GFUS: variants seen among roughly 807,000 people sequenced by gnomAD.
The protein encoded by GFUS is GDP-L-fucose synthase, also known as 3-5 epimerase/4-reductase.
In GFUS, 42 loss-of-function variants were observed where a neutral mutation model predicts 41.5. The ratio of observed to expected loss-of-function variants is 1.01; its 90% CI spans 0.79 to 1.31. The LOEUF (loss-of-function observed/expected upper bound fraction) is 1.31, where lower values mean the gene tolerates loss of function less well. GFUS is among the 50% of genes most tolerant of loss of function. GFUS has a pLI of 0.00. For synonymous variants in GFUS, 188 were observed against 173.4 expected, an observed-to-expected ratio of 1.08 and a Z score of -0.66; for missense variants, 437 against 428.7, an observed-to-expected ratio of 1.02 and a Z score of -0.17.
chr8:143,617,725 A>G (rs890353968), upstream of GFUS, among the ~76,000 whole-genome samples: 1 of 151,792 alleles, frequency 6.6e-6, no homozygotes, highest in African/African-American at 2.4e-5. Context: ...CCGGGCCGCA[A>G]CCTCTTTAGC....
Position 143,614,330 on chromosome 8 carries a change from G to A in GFUS, c.588C>T (p.His196=). 1 of 1,613,664 alleles carries A rather than the reference G, an allele frequency of 6.2e-7. No homozygotes were observed. The highest frequency in any genetic ancestry group is 8.5e-7 in the Non-Finnish European group (1 of 1,179,838). Reference sequence around the variant, plus strand: ...GACGGACGCACTCACTCTTGGCCAGGTGCACCTTGTGGATGAGGCCAGGCA... The same window carrying A: ...GACGGACGCACTCACTCTTGGCCAGATGCACCTTGTGGATGAGGCCAGGCA... ...HVLPGLIHKV[H]LAKSSGSALT... Residue 196 remains histidine, a synonymous_variant, in exon 6 of 11, where the codon CAC becomes CAT. Transcript: ENST00000425753.
chr8:143,616,405 G>A, intron 2 of GFUS, 162 bp downstream of exon 2: 1 of 1,259,352 alleles, frequency 7.9e-7, no homozygotes, highest in Non-Finnish European at 1.2e-6. Flanking sequence ...GTTTTTCCAG[G>A]AACACAGCCA....
intron 3 of GFUS, among the ~76,000 whole-genome samples, chr8:143,615,719 T>C (rs1414896685): frequency 6.6e-6 from 1 of 152,074 alleles, no homozygotes; most frequent in Non-Finnish European, 1.5e-5. Context: ...CCAGAGTGTG[T>C]GGTGGGCCCG....
In GFUS at chr8:143,612,786, G is replaced by A. The variant is rs1049876; in HGVS notation, c.*124C>T. 1 of 1,203,600 alleles carries A rather than the reference G, an allele frequency of 8.3e-7. No homozygotes were observed. The highest frequency in any genetic ancestry group is 2.0e-4 in the Middle Eastern group (1 of 4,994). The allele number at this position is 1,203,600 out of a possible 1,614,324, so 74.6% of individuals were successfully genotyped here. ...CACTGGAAAGATGCTTGGGGCTGCA[G>A]AGCGGATGGAATGCAGGCCCAGGTT... On this transcript the variant is annotated 3_prime_UTR_variant, in exon 11 of 11. Coordinates refer to ENST00000425753, the MANE Select transcript of GFUS (RefSeq NM_003313.4).
Position 143,612,709 on chromosome 8 carries a change from C to A in GFUS, c.*201G>T. The A allele has an allele frequency of 1.6e-6, 1 of 640,522 alleles. No individual in the cohort carries two copies. The highest frequency in any genetic ancestry group is 2.7e-5 in the Admixed American group (1 of 36,872). The allele number at this position is 640,522 out of a possible 1,614,324, so 39.7% of individuals were successfully genotyped here. ...GGGGCTGGTGTGGGGAGCAAAGCGC[C>A]GGGCCTGCCCGGGACCCTGGTTTCC... On this transcript the variant is annotated 3_prime_UTR_variant, in exon 11 of 11. Transcript: ENST00000425753.
rs140324538 is a variant in GFUS, at chr8:143,613,566, G to A, written c.768C>T (p.Ala256=). The A allele has an allele frequency of 1.8e-4, 297 of 1,611,522 alleles. 1 individual carries two copies. The African/African-American group carries it at 3.6e-3, about 20-fold the overall frequency. The change falls in exon 9 of 11, where the codon GCC becomes GCT. Residue 256 remains alanine, a synonymous_variant. Coordinates refer to ENST00000425753, the MANE Select transcript of GFUS (RefSeq NM_003313.4). ...EEDEVSIKEA[A]EAVVEAMDFH... ...AGTCCATGGCCTCCACCACCGCCTC[G>A]GCTGCCTCCTTGATGGAGACCTCAT...
chr8:143,615,709 C>T (rs1421314463), intron 3 of GFUS, among the ~76,000 whole-genome samples: 2 of 152,190 alleles, frequency 1.3e-5, no homozygotes, highest in Admixed American at 6.5e-5. Flanking sequence ...CCCCTGCACC[C>T]CAGAGTGTGT....
At chr8:143,617,556 C>G (rs1016337897), upstream of GFUS, 1 of 152,162 alleles carries the variant, frequency 6.6e-6, no homozygotes, top group Non-Finnish European at 1.5e-5. Flanking sequence ...AGGTGGGGGG[C>G]GGGGCCGGGA....
intron 1 of GFUS, 193 bp from the exon 2 acceptor site, chr8:143,616,916 C>G (rs1040410717): frequency 6.1e-6 from 4 of 657,716 alleles, no homozygotes; most frequent in Non-Finnish European, 1.0e-5. Flanking sequence ...GCCTACAGCG[C>G]CGCAGGGGTC....
chr8:143,614,950 C>A (rs780203560), intron 3 of GFUS, 35 bp from the exon 4 acceptor site: 1 of 1,567,638 alleles, frequency 6.4e-7, no homozygotes, highest in Non-Finnish European at 8.7e-7. Context: ...TCAGGCTCCC[C>A]AGGCCAGATC....
chr8:143,614,528 G>A (rs1051204337), intron 5 of GFUS, 75 bp from the exon 6 acceptor site: 10 of 1,564,652 alleles, frequency 6.4e-6, no homozygotes, highest in Non-Finnish European at 8.7e-6. Context: ...GCCTCTTACT[G>A]AGGCTGGCAC....
intron 6 of GFUS, 45 bp downstream of exon 6, chr8:143,614,275 C>T (rs769598468): frequency 1.2e-6 from 2 of 1,613,710 alleles, no homozygotes. Context: ...TGGGTCACCT[C>T]CTCCCGAGCT....
intron 10 of GFUS, 42 bp from the exon 11 acceptor site, chr8:143,613,007 G>T (rs773039947): frequency 1.3e-6 from 2 of 1,595,996 alleles, no homozygotes; most frequent in South Asian, 1.1e-5. Flanking sequence ...AGGGAGGGTC[G>T]GGGCCGCATG....
At chr8:143,617,012 A>G in intron 1 of GFUS, 1 of 439,696 alleles carries the variant, frequency 2.3e-6, no homozygotes, top group Non-Finnish European at 4.2e-6. Context: ...CTCCCCTCTG[A>G]CTGACAAGAG....
chr8:143,616,581 T>C lies in GFUS; in HGVS notation c.132A>G (p.Lys44=). ...GGCTCACTCACGTGAGATCGGCGTCTTTAGAGGAGACAAACACCCAGTCCT... is the reference window on the plus strand; with the variant it reads ...GGCTCACTCACGTGAGATCGGCGTCCTTAGAGGAGACAAACACCCAGTCCT... ...PGEDWVFVSS[K]DADLTDTAQT... Residue 44 remains lysine, a synonymous_variant, in exon 2 of 11, where the codon AAA becomes AAG. Coordinates refer to ENST00000425753, the MANE Select transcript of GFUS (RefSeq NM_003313.4). 6.2e-7 allele frequency: 1 copy of C among 1,613,790 alleles called. No homozygotes were observed. The highest frequency in any genetic ancestry group is 8.5e-7 in the Non-Finnish European group (1 of 1,179,962).
At chr8:143,613,474 C>A (rs777701176) in intron 9 of GFUS, 50 bp downstream of exon 9, 93 of 1,592,566 alleles carry the variant, frequency 5.8e-5, no homozygotes, top group Admixed American at 1.7e-4. Context: ...GGCCACTGAG[C>A]CCGCCCAAGG....
chr8:143,614,938 G>T (rs1215869871), intron 3 of GFUS, 23 bp from the exon 4 acceptor site: 1 of 1,580,588 alleles, frequency 6.3e-7, no homozygotes, highest in East Asian at 2.2e-5. Flanking sequence ...GGCGGGGACA[G>T]TTCAGGCTCC....
intron 6 of GFUS, 33 bp from the exon 7 acceptor site, chr8:143,614,261 G>T (rs902012442): frequency 1.2e-6 from 2 of 1,613,544 alleles, no homozygotes; most frequent in African/African-American, 1.3e-5. Flanking sequence ...GGTGTCAGAG[G>T]CACTGGGTCA....
chr8:143,612,850 T>C lies in GFUS; in HGVS notation c.*60A>G. On this transcript the variant is annotated 3_prime_UTR_variant, in exon 11 of 11. Coordinates refer to ENST00000425753, the MANE Select transcript of GFUS (RefSeq NM_003313.4). ...CTCAGCTCCTGGCAGGGTTGACGGG[T>C]GGTGGCCGCTGGGCTCTGCCAGCCG... 7 of 1,555,978 alleles carry C rather than the reference T, an allele frequency of 4.5e-6. No homozygotes were observed. In the South Asian group the frequency reaches 7.0e-5, roughly 16 times the overall value.
Sources: allele counts gnomAD v4.1 joint callset (sites outside exome capture counted in the v4.1 genomes callset), GRCh38; gene constraint gnomAD v4.1.1; transcripts MANE v1.5; gene names NCBI Gene and HGNC (gene_info 2026-07-23, HGNC 2026-07-21).